IGF2BP2: variants seen among roughly 807,000 people sequenced by gnomAD.
IGF2BP2 encodes the protein insulin-like growth factor 2 mRNA-binding protein 2.
IGF2BP2 carries 17 observed loss-of-function variants against 75.8 expected under a neutral mutation model. The observed-to-expected ratio is 0.22, with a 90% CI of 0.15 to 0.34. The LOEUF is 0.34. IGF2BP2 is among the 10% of genes least tolerant of loss of function. IGF2BP2 has a pLI of 1.00. For missense variants in IGF2BP2, 516 were observed against 772.4 expected (o/e 0.67, Z 3.93); for synonymous variants, 288 against 295.6 (o/e 0.97, Z 0.26).
At chr3:185,747,792 G>T (rs1230516369) in intron 2 of IGF2BP2, among the ~76,000 whole-genome samples, 2 of 147,880 alleles carry the variant, frequency 1.4e-5, no homozygotes, top group African/African-American at 5.2e-5. Flanking sequence ...GATCAAAGGT[G>T]CCTTCCTATC....
At chr3:185,680,135 C>T (rs189783883) in intron 7 of IGF2BP2, among the ~76,000 whole-genome samples, 2 of 152,016 alleles carry the variant, frequency 1.3e-5, no homozygotes, top group Non-Finnish European at 2.9e-5. Context: ...ACTACCAATA[C>T]GACAGAGATA....
chr3:185,811,026 C>T (rs1285796725), intron 2 of IGF2BP2, among the ~76,000 whole-genome samples: 1 of 151,872 alleles, frequency 6.6e-6, no homozygotes, highest in Non-Finnish European at 1.5e-5. Context: ...TGAAATACTA[C>T]ATAAACTTAT....
chr3:185,652,034 C>T, intron 13 of IGF2BP2, 60 bp downstream of exon 13: 1 of 1,380,956 alleles, frequency 7.2e-7, no homozygotes, highest in Non-Finnish European at 1.0e-6. Flanking sequence ...TTGAATGTGC[C>T]TCTGAGGTGG....
intron 2 of IGF2BP2, among the ~76,000 whole-genome samples, chr3:185,780,135 TAAAAG>T (rs1322415752): frequency 2.0e-5 from 3 of 151,968 alleles, no homozygotes; most frequent in Admixed American, 1.3e-4. Context: ...TTGTTTAAAG[TAAAAG>T]AAAAGAAACA....
chr3:185,652,060 A>G, intron 13 of IGF2BP2, 34 bp downstream of exon 13: 1 of 1,571,210 alleles, frequency 6.4e-7, no homozygotes, highest in Middle Eastern at 1.7e-4. Context: ...CTGTGCCCAG[A>G]GCCTGCAGGG....
Position 185,753,587 on chromosome 3 carries a change from C to T in IGF2BP2, c.240-55240G>A, listed in dbSNP as rs147086517. 5.4e-4 allele frequency among the ~76,000 whole-genome samples: 82 copies of T among 152,284 alleles called. 2 individuals carry two copies. The highest frequency in any genetic ancestry group is 4.8e-3 in the East Asian group (25 of 5,190). On this transcript the variant is annotated intron_variant, in intron 2 of 15. Coordinates refer to ENST00000382199, the MANE Select transcript of IGF2BP2 (RefSeq NM_006548.6). The stretch of plus-strand genomic sequence containing the variant: ...AGCAGGCCACAGCCATCACTTCCTG[C>T]GGCTAAGTAGACATTTCCTCTTGAT...
intron 4 of IGF2BP2, among the ~76,000 whole-genome samples, chr3:185,695,204 C>T (rs189998223): frequency 1.3e-5 from 2 of 152,318 alleles, no homozygotes; most frequent in African/African-American, 4.8e-5. Context: ...TGGGCATGGG[C>T]AGGCAGCAGC....
At chr3:185,708,292 T>C (rs1724333692) in intron 2 of IGF2BP2, among the ~76,000 whole-genome samples, 1 of 152,176 alleles carries the variant, frequency 6.6e-6, no homozygotes, top group Non-Finnish European at 1.5e-5. Context: ...GCATGTATTT[T>C]AGTTCAATGA....
chr3:185,795,889 AAAAAG>A (rs1737309338), intron 2 of IGF2BP2, among the ~76,000 whole-genome samples: 1 of 152,318 alleles, frequency 6.6e-6, no homozygotes, highest in Non-Finnish European at 1.5e-5. Flanking sequence ...CTGTCTCAAA[AAAAAG>A]AAAAGAAAAA....
chr3:185,659,288 G>C (rs897163873), intron 10 of IGF2BP2, among the ~76,000 whole-genome samples: 3 of 152,136 alleles, frequency 2.0e-5, no homozygotes, highest in African/African-American at 7.2e-5. Flanking sequence ...TGTGGAGAGA[G>C]AGGAGCAGGG....
In IGF2BP2 at chr3:185,752,950, T is replaced by C. The variant is rs542447648; in HGVS notation, c.240-54603A>G. Reference sequence around the variant, plus strand: ...AGAGGGAGAAGTAAGACATACAAATTATTTACTATGTTTTCATTCACAACA... The same window carrying C: ...AGAGGGAGAAGTAAGACATACAAATCATTTACTATGTTTTCATTCACAACA... On this transcript the variant is annotated intron_variant, in intron 2 of 15. Transcript: ENST00000382199. Among the ~76,000 whole-genome samples the C allele has an allele frequency of 5.3e-5, 8 of 152,286 alleles. No homozygotes were observed. The South Asian group carries it at 1.4e-3, about 28-fold the overall frequency.
At chr3:185,822,055 G>A (rs1741442299) in intron 2 of IGF2BP2, among the ~76,000 whole-genome samples, 1 of 151,478 alleles carries the variant, frequency 6.6e-6, no homozygotes, top group South Asian at 2.1e-4. Flanking sequence ...GAGATTATTT[G>A]CAAACAAAAG....
At chr3:185,775,378 T>C (rs1438966921) in intron 2 of IGF2BP2, among the ~76,000 whole-genome samples, 2 of 152,194 alleles carry the variant, frequency 1.3e-5, no homozygotes, top group African/African-American at 4.8e-5. Flanking sequence ...GGCTAAACTC[T>C]GGAGACAGAG....
At chr3:185,795,519 C>CA (rs1737246428) in intron 2 of IGF2BP2, among the ~76,000 whole-genome samples, 1 of 152,176 alleles carries the variant, frequency 6.6e-6, no homozygotes, top group African/African-American at 2.4e-5. Flanking sequence ...CACAATGTAT[C>CA]AGTGCTATTT....
intron 13 of IGF2BP2, 122 bp from the exon 14 acceptor site, chr3:185,649,656 A>G (rs541128313): frequency 3.0e-6 from 4 of 1,350,596 alleles, no homozygotes; most frequent in Non-Finnish European, 4.0e-6. Context: ...ACTCCCTGGG[A>G]CACACAGGAA....
chr3:185,706,542 T>A (rs933616793), intron 2 of IGF2BP2, among the ~76,000 whole-genome samples: 1 of 152,198 alleles, frequency 6.6e-6, no homozygotes, highest in Non-Finnish European at 1.5e-5. Flanking sequence ...ATTCCTCTAT[T>A]GGGTTAGAGT....
At chr3:185,811,843 T>G (rs902839240) in intron 2 of IGF2BP2, among the ~76,000 whole-genome samples, 2 of 103,594 alleles carry the variant, frequency 1.9e-5, no homozygotes, top group African/African-American at 6.9e-5. Context: ...TCTCTCTCTC[T>G]CTCTCTCTCT....
rs145662753 is a variant in IGF2BP2 at position 185,702,259 on chromosome 3, T to C, written c.240-3912A>G. ...GGCTGCAGTCTGTTCATGATGAAGATCCTCCTGACCCCACCCAGGAAAACG... is the reference window on the plus strand; with the variant it reads ...GGCTGCAGTCTGTTCATGATGAAGACCCTCCTGACCCCACCCAGGAAAACG... On this transcript the variant is annotated intron_variant, in intron 2 of 15. Coordinates refer to ENST00000382199, the MANE Select transcript of IGF2BP2 (RefSeq NM_006548.6). Among the ~76,000 whole-genome samples, 583 of 152,130 alleles carry C rather than the reference T, an allele frequency of 3.8e-3. 2 individuals carry two copies. Among genetic ancestry groups the C allele is most frequent in the African/African-American group, 0.013 (547 of 41,512 alleles).
chr3:185,695,948 T>C (rs1722521132), intron 4 of IGF2BP2, among the ~76,000 whole-genome samples: 1 of 152,156 alleles, frequency 6.6e-6, no homozygotes, highest in Non-Finnish European at 1.5e-5. Flanking sequence ...TCACCATACC[T>C]GGCTAATTTT....
Sources: gnomAD v4.1 joint callset for allele counts (sites outside exome capture counted in the v4.1 genomes callset) on GRCh38, gnomAD v4.1.1 for gene constraint, MANE v1.5 for transcripts, NCBI Gene and HGNC (gene_info 2026-07-23, HGNC 2026-07-21) for gene names.